Variants in RNF187 observed in about 807,000 individuals in gnomAD.
RNF187 encodes the protein E3 ubiquitin-protein ligase RNF187.
A neutral mutation model predicts 22.2 loss-of-function variants in RNF187; 18 were observed. The ratio of observed to expected loss-of-function variants is 0.81; its 90% CI spans 0.56 to 1.20. The LOEUF (loss-of-function observed/expected upper bound fraction) is 1.20. RNF187 is among the 50% of genes most tolerant of loss of function. RNF187 has a pLI of 0.00. For missense variants in RNF187, 329 were observed against 317.6 expected (o/e 1.04, Z -0.27); for synonymous variants, 164 against 140.9 (o/e 1.16, Z -1.16).
chr1:228,495,006 C>T lies in RNF187; in HGVS notation c.*1121C>T. 4 of 985,844 alleles carry T rather than the reference C, an allele frequency of 4.1e-6. No individual in the cohort carries two copies. In the East Asian group the frequency reaches 3.4e-4, roughly 84 times the overall value. 61.1% of individuals were successfully genotyped at this position (985,844 alleles called of 1,614,324 possible). ...TCGTCTCCGTGTGTCCACCTGGCCTCTTCCCCCTGCCCTGGCCACCCTCCA... is the reference window on the plus strand; with the variant it reads ...TCGTCTCCGTGTGTCCACCTGGCCTTTTCCCCCTGCCCTGGCCACCCTCCA... On this transcript the variant is annotated 3_prime_UTR_variant, in exon 4 of 4. Transcript: ENST00000305943.
Position 228,494,827 on chromosome 1 carries a change from G to T in RNF187, c.*942G>T. ...ATGCAGACAGTTGTTGAGATTTGGG[G>T]ATAGCCGGGCTTGTGAGCGGTGCCC... On this transcript the variant is annotated 3_prime_UTR_variant, in exon 4 of 4. Transcript: ENST00000305943. 2.0e-6 allele frequency: 2 copies of T among 985,466 alleles called. No individual in the cohort carries two copies. The highest frequency in any genetic ancestry group is 2.4e-6 in the Non-Finnish European group (2 of 829,972). 61.0% of individuals were successfully genotyped at this position (985,466 alleles called of 1,614,324 possible).
Position 228,495,952 on chromosome 1 carries a change from C to T in RNF187, c.*2067C>T. On this transcript the variant is annotated 3_prime_UTR_variant, in exon 4 of 4. Transcript: ENST00000305943. ...ACCAAAATCTGCAGATACTCAAGTA[C>T]CCTGCAGTCAGCCCTCCCTCTGCAC... is the stretch of plus-strand genomic sequence containing the variant. Among the ~76,000 whole-genome samples the T allele has an allele frequency of 6.6e-6, 1 of 152,152 alleles. No homozygotes were observed. Among genetic ancestry groups the T allele is most frequent in the Non-Finnish European group, 1.5e-5 (1 of 68,034 alleles).
chr1:228,495,495 G>A lies in RNF187; in HGVS notation c.*1610G>A. 17 of 985,230 alleles carry A rather than the reference G, an allele frequency of 1.7e-5. No homozygotes were observed. The highest frequency in any genetic ancestry group is 2.3e-4 in the East Asian group (2 of 8,812). The allele number at this position is 985,230 out of a possible 1,614,324, so 61.0% of individuals were successfully genotyped here. On this transcript the variant is annotated 3_prime_UTR_variant, in exon 4 of 4. Coordinates refer to ENST00000305943, the MANE Select transcript of RNF187 (RefSeq NM_001010858.3). The stretch of plus-strand genomic sequence containing the variant: ...TTTGTCAGCACGCCAACAACATCCC[G>A]ACCCTGAGACCTCCAGTTTGTCTTT...
chr1:228,492,086 G>C, intron 2 of RNF187, among the ~76,000 whole-genome samples: 1 of 152,028 alleles, frequency 6.6e-6, no homozygotes, highest in Non-Finnish European at 1.5e-5. Flanking sequence ...GCCTTGCTCT[G>C]TTGGCCCAGG....
Position 228,493,630 on chromosome 1 carries a change from A to T in RNF187, c.706-253A>T. On this transcript the variant is annotated intron_variant, in intron 3 of 3. Transcript: ENST00000305943. The surrounding 1 kb of genome is among the most constrained non-coding windows in gnomAD (Gnocchi z 4.7). Reference sequence around the variant, plus strand: ...CTGCCTCTGCCCAGGGCCTGGCCTGAACCCCAGACCCTGCAGCAACCCAGA... The same window carrying T: ...CTGCCTCTGCCCAGGGCCTGGCCTGTACCCCAGACCCTGCAGCAACCCAGA... Among the ~76,000 whole-genome samples the T allele has an allele frequency of 3.3e-5, 5 of 152,152 alleles. No homozygotes were observed.
chr1:228,489,259 G>T lies in RNF187; in HGVS notation c.483+207G>T. Among the ~76,000 whole-genome samples, 987 of 152,310 alleles carry T rather than the reference G, an allele frequency of 6.5e-3. 71 individuals carry two copies. The East Asian group carries it at 0.15, about 23-fold the overall frequency. On this transcript the variant is annotated intron_variant, in intron 2 of 3. Coordinates refer to ENST00000305943, the MANE Select transcript of RNF187 (RefSeq NM_001010858.3). ...AAATAGAATCTAGCCAAAGCCAGTG[G>T]AAGCCTCTTTTTCTCCTCACATTTT...
In RNF187 at chr1:228,493,867, C is replaced by T; in HGVS notation, c.706-16C>T. ...TCTTTTTGTCTCTCTGTCTTTCCCT[C>T]TCCCCTCCCATGCAGTGATGGCGCC... On this transcript the variant is annotated splice_polypyrimidine_tract_variant and intron_variant, in intron 3 of 3. Transcript: ENST00000305943. This position sits in a 1 kb window ranked among gnomAD's most constrained non-coding sequence, Gnocchi z 4.7. 6.4e-7 allele frequency: 1 copy of T among 1,551,614 alleles called. No homozygotes were observed. Among genetic ancestry groups the T allele is most frequent in the South Asian group, 1.2e-5 (1 of 84,060 alleles).
chr1:228,493,310 C>T lies in RNF187; in HGVS notation c.705+36C>T. On this transcript the variant is annotated intron_variant, in intron 3 of 3. Transcript: ENST00000305943. This position sits in a 1 kb window ranked among gnomAD's most constrained non-coding sequence, Gnocchi z 4.7. ...CCCGCTGGGTCTGCCCACCATCGGGCCAGGGTGGACGCAGGCAGCAGCGAG... is the reference window on the plus strand; with the variant it reads ...CCCGCTGGGTCTGCCCACCATCGGGTCAGGGTGGACGCAGGCAGCAGCGAG... 1 of 1,530,838 alleles carries T rather than the reference C, an allele frequency of 6.5e-7. No individual in the cohort carries two copies. Among genetic ancestry groups the T allele is most frequent in the Non-Finnish European group, 8.8e-7 (1 of 1,134,598 alleles). The allele number at this position is 1,530,838 out of a possible 1,614,324, so 94.8% of individuals were successfully genotyped here. A position where few individuals can be genotyped will look rare whatever the true frequency, so the allele number is the denominator to read the frequency against.
In RNF187 at chr1:228,494,496, C is replaced by T; in HGVS notation, c.*611C>T. 2.0e-6 allele frequency: 2 copies of T among 986,992 alleles called. No individual in the cohort carries two copies. The highest frequency in any genetic ancestry group is 2.4e-6 in the Non-Finnish European group (2 of 830,920). The allele number at this position is 986,992 out of a possible 1,614,324, so 61.1% of individuals were successfully genotyped here. On this transcript the variant is annotated 3_prime_UTR_variant, in exon 4 of 4. Transcript: ENST00000305943. ...CCACCTCCCCCTTCCTGGCCCCCAC[C>T]CCACTCCTGTGCCTCCCAGGAGCCC...
Position 228,495,825 on chromosome 1 carries a change from T to C in RNF187, c.*1940T>C. On this transcript the variant is annotated 3_prime_UTR_variant, in exon 4 of 4. Transcript: ENST00000305943. ...ACAGATTAATGTATCCATCTCATGT[T>C]TTTTTTGGTGGTGAGAATATTTGAA... 3 of 869,238 alleles carry C rather than the reference T, an allele frequency of 3.5e-6. No individual in the cohort carries two copies. Among genetic ancestry groups the C allele is most frequent in the South Asian group, 5.3e-5 (1 of 18,974 alleles). 53.8% of individuals were successfully genotyped at this position (869,238 alleles called of 1,614,324 possible).
At chr1:228,491,387 C>CAAAAAAAA in intron 2 of RNF187, among the ~76,000 whole-genome samples, 2 of 75,550 alleles carry the variant, frequency 2.6e-5, no homozygotes, top group East Asian at 4.5e-4. Context: ...GGCCCTATCT[C>CAAAAAAAA]AAAAAAAAAA....
In RNF187 at chr1:228,495,589, T is replaced by C; in HGVS notation, c.*1704T>C. On this transcript the variant is annotated 3_prime_UTR_variant, in exon 4 of 4. Transcript: ENST00000305943. Reference sequence around the variant, plus strand: ...TCCCTGCCCCTGCCCTGCACACCTGTGATGCTTGCCCGGACAGGTCCTGAT... The same window carrying C: ...TCCCTGCCCCTGCCCTGCACACCTGCGATGCTTGCCCGGACAGGTCCTGAT... The C allele has an allele frequency of 5.1e-4, 507 of 985,536 alleles. 3 individuals are homozygous for C. In the African/African-American group the frequency reaches 8.5e-3, roughly 17 times the overall value. 61.0% of individuals were successfully genotyped at this position (985,536 alleles called of 1,614,324 possible).
Position 228,493,519 on chromosome 1 carries a change from G to A in RNF187, c.705+245G>A. Among the ~76,000 whole-genome samples the A allele has an allele frequency of 8.5e-5, 13 of 152,226 alleles. No individual in the cohort carries two copies. In the South Asian group the frequency reaches 2.7e-3, roughly 31 times the overall value. ...CACAAAGGAGGGCACTTGGCATCCC[G>A]AGTGCCCGAGCATGGAAGGCTCCTG... On this transcript the variant is annotated intron_variant, in intron 3 of 3. Transcript: ENST00000305943. The surrounding 1 kb of genome is among the most constrained non-coding windows in gnomAD (Gnocchi z 4.7).
chr1:228,489,013 C>A lies in RNF187; in HGVS notation c.444C>A (p.Asp148Glu), dbSNP rs1378276048. 1.3e-6 allele frequency: 2 copies of A among 1,550,346 alleles called. No individual in the cohort carries two copies. Among genetic ancestry groups the A allele is most frequent in the South Asian group, 1.2e-5 (1 of 84,054 alleles). ...GAAAGGACTTGAATGACGCCCGGGA[C>A]CTGCATGGCCAGGCAGAGTCAGCAG... Residue 148 changes from aspartate (D) to glutamate (E), a missense_variant, in exon 2 of 4, where the codon GAC becomes GAA. Physicochemically the swap from Asp to Glu is conservative, Grantham distance 45. Transcript: ENST00000305943.
intron 2 of RNF187, among the ~76,000 whole-genome samples, chr1:228,490,101 T>C: frequency 6.6e-6 from 1 of 152,226 alleles, no homozygotes; most frequent in Non-Finnish European, 1.5e-5. Context: ...AATTCCTATC[T>C]CCTTCTTTTA....
intron 2 of RNF187, among the ~76,000 whole-genome samples, chr1:228,491,689 C>T: frequency 6.6e-6 from 1 of 152,050 alleles, no homozygotes; most frequent in East Asian, 1.9e-4. Context: ...ATCCAACCAC[C>T]TCGGCCTCCC....
At position 228,494,585 on chromosome 1, in the gene RNF187, C is replaced by G; in HGVS notation, c.*700C>G. The stretch of plus-strand genomic sequence containing the variant: ...TTCTCTGTTTCCCTGGGTGAGGGGG[C>G]TGGCAGGTGGCTAACCCCATTTAGC... On this transcript the variant is annotated 3_prime_UTR_variant, in exon 4 of 4. Transcript: ENST00000305943. 1.0e-6 allele frequency: 1 copy of G among 985,862 alleles called. No homozygotes were observed. The highest frequency in any genetic ancestry group is 1.2e-6 in the Non-Finnish European group (1 of 830,286). The allele number at this position is 985,862 out of a possible 1,614,324, so 61.1% of individuals were successfully genotyped here. A position where few individuals can be genotyped will look rare whatever the true frequency, so the allele number is the denominator to read the frequency against.
At chr1:228,490,293 G>A in intron 2 of RNF187, among the ~76,000 whole-genome samples, 1 of 152,106 alleles carries the variant, frequency 6.6e-6, no homozygotes, top group Non-Finnish European at 1.5e-5. Flanking sequence ...AGACAGTGAC[G>A]GGTTACACAT....
chr1:228,493,336 C>T lies in RNF187; in HGVS notation c.705+62C>T. On this transcript the variant is annotated intron_variant, in intron 3 of 3. Transcript: ENST00000305943. This position sits in a 1 kb window ranked among gnomAD's most constrained non-coding sequence, Gnocchi z 4.7. The stretch of plus-strand genomic sequence containing the variant: ...CAGGGTGGACGCAGGCAGCAGCGAG[C>T]CATTGGGGGACCATTGCCCGAAGTC... 6.6e-7 allele frequency: 1 copy of T among 1,505,394 alleles called. No homozygotes were observed. Among genetic ancestry groups the T allele is most frequent in the Non-Finnish European group, 8.9e-7 (1 of 1,121,284 alleles). The allele number at this position is 1,505,394 out of a possible 1,614,324, so 93.3% of individuals were successfully genotyped here. A position where few individuals can be genotyped will look rare whatever the true frequency, so the allele number is the denominator to read the frequency against.
Sources: allele counts gnomAD v4.1 joint callset (sites outside exome capture counted in the v4.1 genomes callset), GRCh38; gene constraint gnomAD v4.1.1; non-coding constraint Gnocchi (gnomAD v3.1); transcripts MANE v1.5; gene names NCBI Gene and HGNC (gene_info 2026-07-23, HGNC 2026-07-21).